LTV1: variants seen among roughly 807,000 people sequenced by gnomAD.
LTV1 encodes LTV1 ribosome biogenesis factor, also known as protein LTV1 homolog.
LTV1 carries 39 observed loss-of-function variants against 59.9 expected under a neutral mutation model. The observed-to-expected ratio is 0.65, with a 90% CI of 0.50 to 0.85. LTV1 has a LOEUF of 0.85. LTV1 is among the 40% of genes least tolerant of loss of function. The pLI is 0.00. For missense variants in LTV1, 493 were observed against 549.1 expected, an observed-to-expected ratio of 0.90 and a Z score of 1.02; for synonymous variants, 171 against 189.5, an observed-to-expected ratio of 0.90 and a Z score of 0.80.
At chr6:143,849,618 A>G (rs924587276) in intron 3 of LTV1, among the ~76,000 whole-genome samples, 4 of 152,206 alleles carry the variant, frequency 2.6e-5, no homozygotes, top group Admixed American at 2.6e-4. Flanking sequence ...TGTTTAACAT[A>G]TATACAACCT....
intron 2 of LTV1, among the ~76,000 whole-genome samples, chr6:143,845,567 G>A (rs372587761): frequency 6.6e-6 from 1 of 152,002 alleles, no homozygotes; most frequent in South Asian, 2.1e-4. Context: ...TTGTAGAAAC[G>A]AGGTCTCACT....
Position 143,862,100 on chromosome 6 carries a change from A to T in LTV1, c.924-4A>T, listed in dbSNP as rs754731722. The stretch of plus-strand genomic sequence containing the variant: ...GTCTTCACTTTTAAAAACTCGTCTA[A>T]AAGTTGTGTAAAATTGAATACCCTT... On this transcript the variant is annotated splice_region_variant and splice_polypyrimidine_tract_variant and intron_variant, in intron 7 of 10. Coordinates refer to ENST00000367576, the MANE Select transcript of LTV1 (RefSeq NM_032860.5). The surrounding 1 kb of genome is among the most constrained non-coding windows in gnomAD (Gnocchi z 4.2). The T allele has an allele frequency of 6.2e-7, 1 of 1,608,528 alleles. No individual in the cohort carries two copies. The highest frequency in any genetic ancestry group is 1.7e-5 in the Admixed American group (1 of 58,648).
At chr6:143,852,162 A>G (rs1776993986) in intron 4 of LTV1, among the ~76,000 whole-genome samples, 1 of 152,182 alleles carries the variant, frequency 6.6e-6, no homozygotes, top group African/African-American at 2.4e-5. Context: ...GTCTTCCACA[A>G]TGGTTGAACT....
intron 4 of LTV1, among the ~76,000 whole-genome samples, chr6:143,854,373 T>G (rs1173840025): frequency 6.6e-6 from 1 of 152,216 alleles, no homozygotes; most frequent in Non-Finnish European, 1.5e-5. Context: ...GCAGTCTATC[T>G]ATTTTGTTAA....
intron 4 of LTV1, among the ~76,000 whole-genome samples, chr6:143,856,539 T>G (rs562153058): frequency 1.1e-4 from 16 of 152,322 alleles, no homozygotes; most frequent in Non-Finnish European, 1.8e-4. Context: ...AATTTCAGCC[T>G]TTTTGTGCTG....
intron 2 of LTV1, 103 bp from the exon 3 acceptor site, chr6:143,845,948 G>C: frequency 9.2e-7 from 1 of 1,087,552 alleles, no homozygotes; most frequent in South Asian, 1.6e-5. Context: ...TACTTGGAAA[G>C]CTGTACTCAT....
chr6:143,850,378 G>A (rs1471633785), intron 4 of LTV1, among the ~76,000 whole-genome samples, 160 bp downstream of exon 4: 2 of 152,154 alleles, frequency 1.3e-5, no homozygotes, highest in South Asian at 2.1e-4. Context: ...TGTGATCTTT[G>A]TATTTTTGTA....
rs146506403 is a variant in LTV1 at position 143,855,316 on chromosome 6, T to C, written c.398-1987T>C. ...TTGCTTGGTAAATATCCTCCATTCC[T>C]TTATTTTGAGTCTGTGTGCGTCTTT... On this transcript the variant is annotated intron_variant, in intron 4 of 10. Transcript: ENST00000367576. The surrounding 1 kb of genome is among the most constrained non-coding windows in gnomAD (Gnocchi z 4.6). Among the ~76,000 whole-genome samples the C allele has an allele frequency of 6.6e-6, 1 of 152,312 alleles. No individual in the cohort carries two copies. The highest frequency in any genetic ancestry group is 1.5e-5 in the Non-Finnish European group (1 of 68,034).
intron 3 of LTV1, among the ~76,000 whole-genome samples, chr6:143,849,638 G>A (rs79773760): frequency 0.032 from 4,862 of 152,268 alleles, 92 homozygotes; most frequent in South Asian, 0.08. Flanking sequence ...TGGAGCACAG[G>A]TGAGAGAACA....
rs201654969 is a variant in LTV1 at position 143,857,472 on chromosome 6, A to T, written c.539+28A>T. 2 of 1,587,832 alleles carry T rather than the reference A, an allele frequency of 1.3e-6. No individual in the cohort carries two copies. The highest frequency in any genetic ancestry group is 1.7e-5 in the Admixed American group (1 of 59,886). ...ATGTGTGGTTTGTTTCAAAGCAGAG[A>T]TGATGACCTAAGTGTTACTGCTTCA... On this transcript the variant is annotated intron_variant, in intron 5 of 10. Transcript: ENST00000367576. This position sits in a 1 kb window ranked among gnomAD's most constrained non-coding sequence, Gnocchi z 5.2.
In LTV1 at chr6:143,862,792, T is replaced by A; in HGVS notation, c.1064-52T>A. The A allele has an allele frequency of 1.8e-6, 2 of 1,111,608 alleles. No homozygotes were observed. Among genetic ancestry groups the A allele is most frequent in the Non-Finnish European group, 2.8e-6 (2 of 722,954 alleles). The allele number at this position is 1,111,608 out of a possible 1,614,324, so 68.9% of individuals were successfully genotyped here. On this transcript the variant is annotated intron_variant, in intron 8 of 10. Coordinates refer to ENST00000367576, the MANE Select transcript of LTV1 (RefSeq NM_032860.5). This position sits in a 1 kb window ranked among gnomAD's most constrained non-coding sequence, Gnocchi z 4.2. ...ATATAGTAGGAATTCAGTAATGCTT[T>A]GTGGAACTGAAAACATGCTTACTGA... is the stretch of plus-strand genomic sequence containing the variant.
intron 6 of LTV1, among the ~76,000 whole-genome samples, chr6:143,858,948 C>A (rs1164917970): frequency 2.0e-5 from 3 of 152,146 alleles, no homozygotes; most frequent in Admixed American, 2.0e-4. Flanking sequence ...TGAGGCCAGT[C>A]ACCCTAGTTT....
rs184489232 is a variant in LTV1, at chr6:143,857,545, G to T, written c.539+101G>T. On this transcript the variant is annotated intron_variant, in intron 5 of 10. Transcript: ENST00000367576. This position sits in a 1 kb window ranked among gnomAD's most constrained non-coding sequence, Gnocchi z 5.2. ...TTACAGTTGGAAGAGACCTTCAAGA[G>T]CATTTAATCTGAGACTTCTGTATTT... 374 of 1,181,630 alleles carry T rather than the reference G, an allele frequency of 3.2e-4. No homozygotes were observed. In the African/African-American group the frequency reaches 5.2e-3, roughly 17 times the overall value. The allele number at this position is 1,181,630 out of a possible 1,614,324, so 73.2% of individuals were successfully genotyped here.
chr6:143,848,585 G>C (rs1776932458), intron 3 of LTV1, among the ~76,000 whole-genome samples: 1 of 152,164 alleles, frequency 6.6e-6, no homozygotes, highest in African/African-American at 2.4e-5. Context: ...GATAGGGCAG[G>C]TGGTGAGGTG....
rs1777065429 is a variant in LTV1 at position 143,855,784 on chromosome 6, G to A, written c.398-1519G>A. Among the ~76,000 whole-genome samples, 1 of 152,142 alleles carries A rather than the reference G, an allele frequency of 6.6e-6. No individual in the cohort carries two copies. The highest frequency in any genetic ancestry group is 1.9e-4 in the East Asian group (1 of 5,196). On this transcript the variant is annotated intron_variant, in intron 4 of 10. Coordinates refer to ENST00000367576, the MANE Select transcript of LTV1 (RefSeq NM_032860.5). The surrounding 1 kb of genome is among the most constrained non-coding windows in gnomAD (Gnocchi z 4.6). ...TGAGTATTGGCCCCCACTTTCTTCTGACTTGTACGGTTTCTGCTGAGAGAT... is the reference window on the plus strand; with the variant it reads ...TGAGTATTGGCCCCCACTTTCTTCTAACTTGTACGGTTTCTGCTGAGAGAT...
intron 4 of LTV1, among the ~76,000 whole-genome samples, chr6:143,850,593 T>C (rs1776965923): frequency 6.6e-6 from 1 of 152,194 alleles, no homozygotes; most frequent in Non-Finnish European, 1.5e-5. Context: ...CAGGTATTTT[T>C]ATGGAAGTTC....
chr6:143,851,320 T>C (rs1295865385), intron 4 of LTV1, among the ~76,000 whole-genome samples: 1 of 152,194 alleles, frequency 6.6e-6, no homozygotes, highest in East Asian at 1.9e-4. Context: ...AGAGTCAGCC[T>C]AGTATATTTA....
chr6:143,862,081 A>G lies in LTV1; in HGVS notation c.924-23A>G, dbSNP rs933535360. ...GTCATTTTTCCCCCTCTTGGTCTTC[A>G]CTTTTAAAAACTCGTCTAAAAGTTG... On this transcript the variant is annotated intron_variant, in intron 7 of 10. Coordinates refer to ENST00000367576, the MANE Select transcript of LTV1 (RefSeq NM_032860.5). The surrounding 1 kb of genome is among the most constrained non-coding windows in gnomAD (Gnocchi z 4.2). 3 of 1,603,136 alleles carry G rather than the reference A, an allele frequency of 1.9e-6. No individual in the cohort carries two copies. Among genetic ancestry groups the G allele is most frequent in the Non-Finnish European group, 2.6e-6 (3 of 1,176,404 alleles).
At chr6:143,845,612 A>G (rs1402980879) in intron 2 of LTV1, among the ~76,000 whole-genome samples, 1 of 152,212 alleles carries the variant, frequency 6.6e-6, no homozygotes, top group Non-Finnish European at 1.5e-5. Flanking sequence ...TCCAAGGCTC[A>G]AGTGATCCTC....
Sources: allele counts gnomAD v4.1 joint callset (sites outside exome capture counted in the v4.1 genomes callset), GRCh38; gene constraint gnomAD v4.1.1; non-coding constraint Gnocchi (gnomAD v3.1); transcripts MANE v1.5; gene names NCBI Gene and HGNC (gene_info 2026-07-23, HGNC 2026-07-21).